Variants in DGKB observed in about 807,000 individuals in gnomAD.
DGKB encodes 90 kDa diacylglycerol kinase.
Under a neutral mutation model 114.3 loss-of-function variants are expected in DGKB, and 67 were observed. That is an observed-to-expected ratio of 0.59 (90% CI 0.48 to 0.72). The LOEUF is 0.72. Ranked by LOEUF, DGKB falls within the 30% of genes least tolerant of loss-of-function variation. The pLI is 0.00. For synonymous variants in DGKB, 398 were observed against 323.1 expected (o/e 1.23, Z -2.49); for missense variants, 907 against 975.2 (o/e 0.93, Z 0.93).
At position 14,956,891 on chromosome 7, in the gene DGKB, G is replaced by A. The variant is rs575214413; in HGVS notation, c.-188+17805C>T. 2.8e-4 allele frequency among the ~76,000 whole-genome samples: 43 copies of A among 151,816 alleles called. No homozygotes were observed. The South Asian group carries it at 8.7e-3, about 31-fold the overall frequency. The stretch of plus-strand genomic sequence containing the variant: ...AAGGCAAATGAGCAGTTAACATGAA[G>A]TTAAACATTCTTGTAGCCTTTCTTC... On this transcript the variant is annotated intron_variant, in intron 1 of 4. Transcript: ENST00000437998.
chr7:14,525,053 T>C (rs1334171216), intron 20 of DGKB, among the ~76,000 whole-genome samples: 1 of 152,138 alleles, frequency 6.6e-6, no homozygotes, highest in East Asian at 1.9e-4. Flanking sequence ...TAGATTTCTC[T>C]CCATCTTGTG....
chr7:14,501,067 G>A (rs1038539293), intron 20 of DGKB, among the ~76,000 whole-genome samples: 6 of 151,774 alleles, frequency 4.0e-5, no homozygotes, highest in Non-Finnish European at 8.8e-5. Context: ...TTCTCATCCT[G>A]AGATACTCCC....
intron 13 of DGKB, among the ~76,000 whole-genome samples, chr7:14,657,928 A>G (rs762201595): frequency 1.3e-5 from 2 of 151,948 alleles, no homozygotes; most frequent in African/African-American, 2.4e-5. Context: ...TGAGAAAGAG[A>G]CACACACCAT....
At chr7:14,593,270 C>T (rs1801994481) in intron 17 of DGKB, among the ~76,000 whole-genome samples, 1 of 151,868 alleles carries the variant, frequency 6.6e-6, no homozygotes. Context: ...GCATGAGACA[C>T]AGAAAATGAG....
At chr7:14,574,189 T>C in intron 20 of DGKB, 23 bp downstream of exon 20, 1 of 1,603,936 alleles carries the variant, frequency 6.2e-7, no homozygotes, top group Non-Finnish European at 8.5e-7. Context: ...GGTACAAAGG[T>C]AAAATTTAGT....
At chr7:14,671,972 C>T (rs1281969727) in intron 13 of DGKB, among the ~76,000 whole-genome samples, 1 of 151,968 alleles carries the variant, frequency 6.6e-6, no homozygotes, top group Non-Finnish European at 1.5e-5. Context: ...TATTGCTATA[C>T]TCAGCAATAT....
At chr7:14,519,223 T>C (rs1338179281) in intron 20 of DGKB, among the ~76,000 whole-genome samples, 1 of 152,066 alleles carries the variant, frequency 6.6e-6, no homozygotes, top group Non-Finnish European at 1.5e-5. Flanking sequence ...AGCTACAATT[T>C]TTTTTCCAAA....
At chr7:14,535,358 G>C (rs1028597739) in intron 20 of DGKB, among the ~76,000 whole-genome samples, 2 of 145,548 alleles carry the variant, frequency 1.4e-5, no homozygotes, top group African/African-American at 5.2e-5. Context: ...GACAGAGTAA[G>C]GCCCTGTCTC....
intron 23 of DGKB, among the ~76,000 whole-genome samples, chr7:14,234,404 T>C (rs1792434655): frequency 6.6e-6 from 1 of 152,044 alleles, no homozygotes; most frequent in South Asian, 2.1e-4. Context: ...CTTGAATGTA[T>C]CTTAGCAGTA....
chr7:14,249,567 T>G, intron 23 of DGKB, among the ~76,000 whole-genome samples: 1 of 152,174 alleles, frequency 6.6e-6, no homozygotes, highest in East Asian at 1.9e-4. Flanking sequence ...TTAGTTTTGG[T>G]AGAGTGTGTG....
At chr7:14,873,684 A>T (rs1408703221) in intron 1 of DGKB, among the ~76,000 whole-genome samples, 2 of 151,960 alleles carry the variant, frequency 1.3e-5, no homozygotes, top group African/African-American at 4.8e-5. Context: ...CACATTTTTC[A>T]ATAATATGTA....
At chr7:14,887,002 C>G (rs1562816381) in intron 1 of DGKB, among the ~76,000 whole-genome samples, 1 of 151,868 alleles carries the variant, frequency 6.6e-6, no homozygotes. Context: ...ACGGACTCAT[C>G]CTTCAAATCG....
In DGKB at chr7:14,621,385, C is replaced by A. The variant is rs1348941798; in HGVS notation, c.1277G>T (p.Gly426Val). ...RANSVTVDGQ[G>V]LQVTPVPGTH... ...TGATTTAAAAAATCATACCTGCAGG[C>A]CTTGTCCATCTACAGTAACAGAGTT... is the stretch of plus-strand genomic sequence containing the variant. The change falls in exon 15 of 26, where the codon GGC (glycine) becomes GTC (valine). Residue 426 changes from glycine (G) to valine (V), a missense_variant. This residue lies in a region of DGKB where 814 missense variants were observed against 856.6 expected (regional missense o/e 0.95). Coordinates refer to ENST00000402815, the MANE Select transcript of DGKB (RefSeq NM_001350709.2). 2 of 1,602,278 alleles carry A rather than the reference C, an allele frequency of 1.2e-6. No homozygotes were observed. The highest frequency in any genetic ancestry group is 1.7e-6 in the Non-Finnish European group (2 of 1,170,806).
At chr7:14,445,700 G>A (rs1367811917) in intron 21 of DGKB, among the ~76,000 whole-genome samples, 1 of 151,922 alleles carries the variant, frequency 6.6e-6, no homozygotes, top group African/African-American at 2.4e-5. Context: ...TTAACAGGTA[G>A]AAATTTTTCC....
At chr7:14,492,065 A>G (rs1784670518) in intron 20 of DGKB, among the ~76,000 whole-genome samples, 2 of 152,118 alleles carry the variant, frequency 1.3e-5, no homozygotes, top group African/African-American at 4.8e-5. Context: ...TTTAATTCAT[A>G]AAAGTTTACA....
At chr7:14,292,940 A>C (rs575166279) in intron 23 of DGKB, among the ~76,000 whole-genome samples, 1 of 152,322 alleles carries the variant, frequency 6.6e-6, no homozygotes, top group South Asian at 2.1e-4. Flanking sequence ...TGAGTCATTC[A>C]GTATTCTGGG....
chr7:14,424,964 G>C (rs185936282), intron 21 of DGKB, among the ~76,000 whole-genome samples: 141 of 152,074 alleles, frequency 9.3e-4, no homozygotes, highest in African/African-American at 3.3e-3. Flanking sequence ...CTTTATTTTT[G>C]CTTACTTACT....
At chr7:14,157,508 TGGAGTTG>T (rs1185716633) in intron 25 of DGKB, among the ~76,000 whole-genome samples, 1 of 151,930 alleles carries the variant, frequency 6.6e-6, no homozygotes, top group East Asian at 1.9e-4. Flanking sequence ...CCTTAAAAAA[TGGAGTTG>T]GGAGGTTTAC....
intron 25 of DGKB, among the ~76,000 whole-genome samples, chr7:14,170,181 G>GAA (rs1037092486): frequency 7.0e-6 from 1 of 142,584 alleles, no homozygotes; most frequent in East Asian, 2.2e-4. Context: ...AAGAAAGAAA[G>GAA]AAAGAAAGAA....
Sources: allele counts gnomAD v4.1 joint callset (sites outside exome capture counted in the v4.1 genomes callset), GRCh38; gene constraint gnomAD v4.1.1; regional missense constraint gnomAD v4.1.1; transcripts MANE v1.5; gene names NCBI Gene and HGNC (gene_info 2026-07-23, HGNC 2026-07-21).